Variants in TENM3 observed in about 807,000 individuals in gnomAD.
The protein encoded by TENM3 is teneurin-3.
Under a neutral mutation model 255.1 loss-of-function variants are expected in TENM3, and 63 were observed. That is an observed-to-expected ratio of 0.25 (90% CI 0.20 to 0.30). The LOEUF is 0.30. Among genes scored for constraint, TENM3 ranks in the 10% least tolerant of loss-of-function variants. The pLI is 1.00. For missense variants in TENM3, 2,929 were observed against 3,461.1 expected (o/e 0.85, Z 3.86); for synonymous variants, 1,306 against 1,322.3 (o/e 0.99, Z 0.27).
At chr4:181,554,180 A>G in the TENM3 span, among the ~76,000 whole-genome samples, 11 of 152,314 alleles carry the variant, frequency 7.2e-5, no homozygotes, top group African/African-American at 2.6e-4. Context: ...CATTGGATAA[A>G]TATTTGGCAC....
At chr4:182,363,242 G>A (rs1766155806) in intron 3 of TENM3, among the ~76,000 whole-genome samples, 1 of 152,028 alleles carries the variant, frequency 6.6e-6, no homozygotes, top group African/African-American at 2.4e-5. Context: ...GGTAACTTCT[G>A]ATTTCCTCTC....
chr4:182,376,013 A>G (rs1767157342), intron 3 of TENM3, among the ~76,000 whole-genome samples: 1 of 140,796 alleles, frequency 7.1e-6, no homozygotes, highest in South Asian at 2.1e-4. Flanking sequence ...AATGATTTAT[A>G]CACTTGCATA....
In TENM3 at chr4:182,680,536, T is replaced by C; in HGVS notation, c.1640-7T>C. Reference sequence around the variant, plus strand: ...CTGTAATTCTTCTGTCGTGTCTTGTTTCACAGCCGCCTGTCCAGTGTTATG... The same window carrying C: ...CTGTAATTCTTCTGTCGTGTCTTGTCTCACAGCCGCCTGTCCAGTGTTATG... On this transcript the variant is annotated splice_region_variant and splice_polypyrimidine_tract_variant and intron_variant, in intron 9 of 27. Transcript: ENST00000511685. 6.2e-7 allele frequency: 1 copy of C among 1,611,572 alleles called. No individual in the cohort carries two copies. Among genetic ancestry groups the C allele is most frequent in the Non-Finnish European group, 8.5e-7 (1 of 1,179,386 alleles).
At chr4:182,206,246 G>A (rs1277746567) in intron 1 of TENM3, among the ~76,000 whole-genome samples, 1 of 152,128 alleles carries the variant, frequency 6.6e-6, no homozygotes, top group Non-Finnish European at 1.5e-5. Flanking sequence ...CTCATGCCCA[G>A]GCTATTGAGG....
At chr4:181,763,904 C>T in the TENM3 span, among the ~76,000 whole-genome samples, 1 of 152,314 alleles carries the variant, frequency 6.6e-6, no homozygotes, top group East Asian at 1.9e-4. Context: ...AGTGTGTTGA[C>T]ATACACATTG....
intron 3 of TENM3, among the ~76,000 whole-genome samples, chr4:182,418,554 G>GTGTTTT (rs1165518814): frequency 6.6e-6 from 1 of 152,022 alleles, no homozygotes; most frequent in African/African-American, 2.4e-5. Flanking sequence ...ATTAGATATA[G>GTGTTTT]TGTTTTTGTT....
chr4:181,484,785 G>T, the TENM3 span, among the ~76,000 whole-genome samples: 1 of 152,062 alleles, frequency 6.6e-6, no homozygotes, highest in African/African-American at 2.4e-5. Flanking sequence ...CTTTGAAAAG[G>T]ATAAGGGAAA....
At chr4:182,238,381 C>T (rs1757021291) in intron 1 of TENM3, among the ~76,000 whole-genome samples, 1 of 152,202 alleles carries the variant, frequency 6.6e-6, no homozygotes. Context: ...GAACGTTTTC[C>T]CCCATGGCTG....
At chr4:182,460,125 A>G (rs1437086600) in intron 3 of TENM3, among the ~76,000 whole-genome samples, 1 of 152,172 alleles carries the variant, frequency 6.6e-6, no homozygotes, top group Non-Finnish European at 1.5e-5. Context: ...TGTGAAAGTG[A>G]AAACACGCTG....
At chr4:182,478,387 T>C (rs1733880710) in intron 3 of TENM3, among the ~76,000 whole-genome samples, 1 of 152,060 alleles carries the variant, frequency 6.6e-6, no homozygotes, top group Non-Finnish European at 1.5e-5. Context: ...TTTGCTAATA[T>C]TCATTCTGCT....
At chr4:181,989,136 G>A in the TENM3 span, among the ~76,000 whole-genome samples, 3 of 152,072 alleles carry the variant, frequency 2.0e-5, no homozygotes, top group African/African-American at 4.8e-5. Context: ...AAATATGTAC[G>A]TGGTCTCCAG....
At chr4:182,402,224 G>A (rs1053847417) in intron 3 of TENM3, among the ~76,000 whole-genome samples, 1 of 152,130 alleles carries the variant, frequency 6.6e-6, no homozygotes, top group African/African-American at 2.4e-5. Context: ...AAATGCACAG[G>A]TCGTTTATTT....
chr4:181,844,529 G>T, the TENM3 span, among the ~76,000 whole-genome samples: 3 of 151,942 alleles, frequency 2.0e-5, no homozygotes, highest in African/African-American at 7.2e-5. Flanking sequence ...TTAGCCGGGA[G>T]TGGTGGCGGG....
chr4:182,114,991 G>C, the TENM3 span, among the ~76,000 whole-genome samples: 1 of 152,008 alleles, frequency 6.6e-6, no homozygotes. Flanking sequence ...AGATCAGCCT[G>C]GCCAACATGG....
At chr4:182,763,359 A>C (rs1579393372) in intron 22 of TENM3, among the ~76,000 whole-genome samples, 1 of 152,098 alleles carries the variant, frequency 6.6e-6, no homozygotes, top group Admixed American at 6.5e-5. Flanking sequence ...ACGTCAGGAG[A>C]TCGAGACCAT....
the TENM3 span, among the ~76,000 whole-genome samples, chr4:181,759,207 G>T: frequency 6.6e-6 from 1 of 152,024 alleles, no homozygotes; most frequent in East Asian, 1.9e-4. Flanking sequence ...TTAAAGAAAT[G>T]AGAAAATTAA....
the TENM3 span, among the ~76,000 whole-genome samples, chr4:182,024,087 G>T: frequency 1.3e-5 from 2 of 151,774 alleles, no homozygotes; most frequent in Non-Finnish European, 2.9e-5. Flanking sequence ...GAAAAATATT[G>T]AATGTAAAAA....
At chr4:182,694,092 T>C (rs1757206240) in intron 12 of TENM3, among the ~76,000 whole-genome samples, 1 of 152,060 alleles carries the variant, frequency 6.6e-6, no homozygotes, top group African/African-American at 2.4e-5. Context: ...GGGTTGGTTT[T>C]ATTTTTTTTT....
chr4:181,993,532 A>G, the TENM3 span, among the ~76,000 whole-genome samples: 1 of 152,166 alleles, frequency 6.6e-6, no homozygotes, highest in Non-Finnish European at 1.5e-5. Flanking sequence ...AATTAGAGAA[A>G]CTAATGAACT....
Sources: gnomAD v4.1 joint callset for allele counts (sites outside exome capture counted in the v4.1 genomes callset) on GRCh38, gnomAD v4.1.1 for gene constraint, MANE v1.5 for transcripts, NCBI Gene and HGNC (gene_info 2026-07-23, HGNC 2026-07-21) for gene names.